GPR19: variants seen among roughly 807,000 people sequenced by gnomAD.
GPR19 encodes the protein G protein-coupled receptor 19.
Under a neutral mutation model 28.5 loss-of-function variants are expected in GPR19, and 14 were observed. The observed-to-expected ratio is 0.49, with a 90% CI of 0.32 to 0.77. GPR19 has a LOEUF of 0.77. Among genes scored for constraint, GPR19 ranks in the 30% least tolerant of loss-of-function variants. GPR19 has a pLI of 0.03. For missense variants in GPR19, 409 were observed against 504.1 expected (o/e 0.81, Z 1.81); for synonymous variants, 173 against 184.1 (o/e 0.94, Z 0.49).
chr12:12,713,680 G>GC, the GPR19 span, among the ~76,000 whole-genome samples: 1 of 151,968 alleles, frequency 6.6e-6, no homozygotes, highest in Non-Finnish European at 1.5e-5. Context: ...TTACAGGCCT[G>GC]CACTACCATG....
chr12:12,661,336 G>A lies in GPR19; in HGVS notation c.1113C>T (p.Tyr371=), dbSNP rs779033589. The A allele has an allele frequency of 3.8e-5, 62 of 1,613,840 alleles. No individual in the cohort carries two copies. The highest frequency in any genetic ancestry group is 3.1e-4 in the South Asian group (28 of 91,082). ...TGGAAGGGATTTCTGAAATGCCAACGTAGTTTTTTTTGGCCATCCTTGAAC... is the reference window on the plus strand; with the variant it reads ...TGGAAGGGATTTCTGAAATGCCAACATAGTTTTTTTTGGCCATCCTTGAAC... The part of the protein sequence containing the change: ...TTSSRMAKKN[Y]VGISEIPSMA... The change falls in exon 4 of 4, where the codon TAC becomes TAT. Residue 371 remains tyrosine, a synonymous_variant. Coordinates refer to ENST00000651487, the MANE Select transcript of GPR19 (RefSeq NM_006143.3). This position sits in a 1 kb window ranked among gnomAD's most constrained non-coding sequence, Gnocchi z 4.2.
At chr12:12,700,676 A>G (rs936089892), upstream of GPR19, among the ~76,000 whole-genome samples, 3 of 152,212 alleles carry the variant, frequency 2.0e-5, no homozygotes, top group Non-Finnish European at 4.4e-5. Flanking sequence ...CTTGTACTCA[A>G]TATCACAGTC....
rs768068644 is a variant in GPR19, at chr12:12,661,523, G to A, written c.926C>T (p.Ser309Phe). The stretch of plus-strand genomic sequence containing the variant: ...CCATGTGATAGCTGTGAAAACAAGG[G>A]AACTTTTCTTATAGTCTTGTTCATG... ...HPHEQDYKKS[S>F]LVFTAITWIS... The change falls in exon 4 of 4, where the codon TCC becomes TTC. Residue 309 changes from serine to phenylalanine, a missense_variant. Physicochemically the swap from Ser to Phe is radical, Grantham distance 155. Coordinates refer to ENST00000651487, the MANE Select transcript of GPR19 (RefSeq NM_006143.3). This position sits in a 1 kb window ranked among gnomAD's most constrained non-coding sequence, Gnocchi z 4.2. 2 of 1,613,386 alleles carry A rather than the reference G, an allele frequency of 1.2e-6. No homozygotes were observed. The highest frequency in any genetic ancestry group is 1.7e-5 in the Admixed American group (1 of 60,010).
intron 2 of GPR19, chr12:12,688,658 T>C (rs962565470): frequency 6.6e-6 from 1 of 152,234 alleles, no homozygotes; most frequent in Non-Finnish European, 1.5e-5. Context: ...GACACAGATA[T>C]GACAATCAAT....
intron 3 of GPR19, among the ~76,000 whole-genome samples, chr12:12,664,842 C>T (rs763180680): frequency 8.3e-5 from 12 of 144,016 alleles, no homozygotes; most frequent in Non-Finnish European, 1.5e-4. Context: ...ATCGCTTGAA[C>T]CCGGGAGGCG....
intron 3 of GPR19, among the ~76,000 whole-genome samples, chr12:12,676,980 C>T (rs2417221): frequency 0.55 from 83,644 of 152,000 alleles, 23,535 homozygotes; most frequent in South Asian, 0.61. Flanking sequence ...CAAAGAACAA[C>T]GAAGTAGTTG....
the GPR19 span, among the ~76,000 whole-genome samples, chr12:12,709,246 T>C: frequency 1.3e-5 from 2 of 151,728 alleles, no homozygotes; most frequent in Non-Finnish European, 2.9e-5. Context: ...CATGAGCTAA[T>C]AGAACGTAAA....
the GPR19 span, among the ~76,000 whole-genome samples, chr12:12,713,655 C>T: frequency 6.6e-6 from 1 of 152,134 alleles, no homozygotes; most frequent in African/African-American, 2.4e-5. Flanking sequence ...GCCTCAGCCT[C>T]CTGAGTAGCT....
intron 3 of GPR19, among the ~76,000 whole-genome samples, chr12:12,669,367 T>C (rs1945826541): frequency 6.6e-6 from 1 of 152,232 alleles, no homozygotes; most frequent in Admixed American, 6.5e-5. Flanking sequence ...TCAATTTGAA[T>C]TGAAATGAGG....
chr12:12,707,757 C>T, the GPR19 span, among the ~76,000 whole-genome samples: 11 of 152,110 alleles, frequency 7.2e-5, no homozygotes, highest in African/African-American at 2.2e-4. Flanking sequence ...CTCGCTCTGT[C>T]GCCCAGGCTG....
chr12:12,707,266 A>C, the GPR19 span, among the ~76,000 whole-genome samples: 2 of 152,236 alleles, frequency 1.3e-5, no homozygotes, highest in African/African-American at 4.8e-5. Context: ...TTCCTTGTTC[A>C]TACAGCATCT....
At position 12,662,104 on chromosome 12, in the gene GPR19, G is replaced by A. The variant is rs551814447; in HGVS notation, c.345C>T (p.Ser115=). 3.1e-5 allele frequency: 50 copies of A among 1,614,158 alleles called. No individual in the cohort carries two copies. In the South Asian group the frequency reaches 4.3e-4, roughly 14 times the overall value. The part of the protein sequence containing the change: ...VSMACADLLI[S]VASTPFVLLQ... The stretch of plus-strand genomic sequence containing the variant: ...GCAGGACGAAAGGCGTGCTGGCAAC[G>A]CTGATGAGAAGGTCAGCACATGCCA... Residue 115 remains serine (S), a synonymous_variant, in exon 4 of 4, where the codon AGC becomes AGT. Coordinates refer to ENST00000651487, the MANE Select transcript of GPR19 (RefSeq NM_006143.3).
In GPR19 at chr12:12,661,128, T is replaced by C; in HGVS notation, c.*73A>G. The C allele has an allele frequency of 9.6e-7, 1 of 1,045,072 alleles. No homozygotes were observed. 64.7% of individuals were successfully genotyped at this position (1,045,072 alleles called of 1,614,324 possible). A position where few individuals can be genotyped will look rare whatever the true frequency, so the allele number is the denominator to read the frequency against. On this transcript the variant is annotated 3_prime_UTR_variant, in exon 4 of 4. Coordinates refer to ENST00000651487, the MANE Select transcript of GPR19 (RefSeq NM_006143.3). This position sits in a 1 kb window ranked among gnomAD's most constrained non-coding sequence, Gnocchi z 4.2. The stretch of plus-strand genomic sequence containing the variant: ...CCTTGGAAAGTTGAGTGAAAACAAA[T>C]ATGTAAATAGCTTCTGTTTTTATAG...
chr12:12,678,074 A>T (rs1206216272), intron 3 of GPR19, among the ~76,000 whole-genome samples: 8 of 56,894 alleles, frequency 1.4e-4, no homozygotes, highest in African/African-American at 1.1e-3. Flanking sequence ...ACTCTGTCTC[A>T]AAAAAAAAAA....
Position 12,662,069 on chromosome 12 carries a change from G to A in GPR19, c.380C>T (p.Thr127Ile), listed in dbSNP as rs1351866781. The change falls in exon 4 of 4, where the codon ACC becomes ATC. Residue 127 changes from threonine to isoleucine, a missense_variant. By Grantham distance (89) the Thr-to-Ile change is moderately conservative (BLOSUM62 -1). Coordinates refer to ENST00000651487, the MANE Select transcript of GPR19 (RefSeq NM_006143.3). Reference sequence around the variant, plus strand: ...ACTACCCAGCGTCCACCTTCCAGTGGTGAACTGGAGCAGGACGAAAGGCGT... The same window carrying A: ...ACTACCCAGCGTCCACCTTCCAGTGATGAACTGGAGCAGGACGAAAGGCGT... Reference protein sequence around the residue: ...ASTPFVLLQFTTGRWTLGSAT... With the variant: ...ASTPFVLLQFITGRWTLGSAT... The A allele has an allele frequency of 1.2e-6, 2 of 1,614,044 alleles. No homozygotes were observed. The highest frequency in any genetic ancestry group is 2.7e-5 in the African/African-American group (2 of 74,952).
At chr12:12,685,558 T>A (rs1946084413) in intron 2 of GPR19, among the ~76,000 whole-genome samples, 1 of 152,114 alleles carries the variant, frequency 6.6e-6, no homozygotes, top group African/African-American at 2.4e-5. Context: ...CCGGTCGCCA[T>A]GGGAGCCTGC....
At chr12:12,668,774 C>G (rs1445903987) in intron 3 of GPR19, among the ~76,000 whole-genome samples, 2 of 151,780 alleles carry the variant, frequency 1.3e-5, no homozygotes, top group African/African-American at 2.4e-5. Context: ...AGTAAGATTA[C>G]AATCATGACA....
At chr12:12,710,791 T>G in the GPR19 span, among the ~76,000 whole-genome samples, 1 of 152,202 alleles carries the variant, frequency 6.6e-6, no homozygotes, top group Non-Finnish European at 1.5e-5. Flanking sequence ...TCCTCCTGAC[T>G]CAACCTACCA....
intron 2 of GPR19, among the ~76,000 whole-genome samples, chr12:12,688,068 G>C (rs2136334088): frequency 6.6e-6 from 1 of 152,330 alleles, no homozygotes; most frequent in South Asian, 2.1e-4. Flanking sequence ...CTCAGGAAAA[G>C]ATCACAAAAG....
Sources: gnomAD v4.1 joint callset for allele counts (sites outside exome capture counted in the v4.1 genomes callset) on GRCh38, gnomAD v4.1.1 for gene constraint, Gnocchi (gnomAD v3.1) non-coding constraint, MANE v1.5 for transcripts, NCBI Gene and HGNC (gene_info 2026-07-23, HGNC 2026-07-21) for gene names.